WWOX: variants seen among roughly 807,000 people sequenced by gnomAD.
WWOX encodes WW domain-containing oxidoreductase.
A neutral mutation model predicts 46.2 loss-of-function variants in WWOX; 69 were observed. That is an observed-to-expected ratio of 1.49 (90% CI 1.23 to 1.82). The LOEUF is 1.82. Ranked by LOEUF, WWOX falls within the 40% of genes most tolerant of loss-of-function variation. The pLI, the probability that WWOX is intolerant of heterozygous loss-of-function variation, is 0.00. For missense variants in WWOX, 919 were observed against 542.6 expected (o/e 1.69, Z -6.89); for synonymous variants, 359 against 202.6 (o/e 1.77, Z -6.56).
intron 8 of WWOX, among the ~76,000 whole-genome samples, chr16:79,190,147 C>A (rs1048819590): frequency 2.6e-5 from 4 of 152,110 alleles, no homozygotes; most frequent in African/African-American, 9.7e-5. Flanking sequence ...GCCTCAGCCT[C>A]CCGAGTAGCT....
chr16:78,259,349 CAG>C (rs776387438), intron 5 of WWOX, among the ~76,000 whole-genome samples: 1 of 152,140 alleles, frequency 6.6e-6, no homozygotes, highest in East Asian at 1.9e-4. Context: ...ATTTTTGAGA[CAG>C]AGTCTTGCTC....
chr16:78,834,100 G>A (rs1335402963), intron 8 of WWOX, among the ~76,000 whole-genome samples: 2 of 152,226 alleles, frequency 1.3e-5, no homozygotes, highest in Non-Finnish European at 1.5e-5. Flanking sequence ...TCGAACGTCT[G>A]GAACTGAGCA....
chr16:78,955,778 G>C (rs886236320), intron 8 of WWOX, among the ~76,000 whole-genome samples: 1 of 151,604 alleles, frequency 6.6e-6, no homozygotes, highest in African/African-American at 2.4e-5. Context: ...CTCCCGAGTA[G>C]CTGGGACTAC....
At chr16:78,387,435 A>G (rs571130873) in intron 6 of WWOX, among the ~76,000 whole-genome samples, 2 of 151,382 alleles carry the variant, frequency 1.3e-5, no homozygotes, top group East Asian at 1.9e-4. Context: ...ATGGACTCAC[A>G]TTCCTTTTAT....
chr16:78,893,908 T>C (rs181196594), intron 8 of WWOX, among the ~76,000 whole-genome samples: 168 of 152,274 alleles, frequency 1.1e-3, no homozygotes, highest in Middle Eastern at 6.8e-3. Context: ...TGAGTTGATA[T>C]GCAATATTTT....
At chr16:78,886,836 C>T (rs2044468869) in intron 8 of WWOX, among the ~76,000 whole-genome samples, 1 of 152,038 alleles carries the variant, frequency 6.6e-6, no homozygotes, top group African/African-American at 2.4e-5. Flanking sequence ...GTCCTTCCTT[C>T]TTGGAAAGCT....
chr16:78,283,422 G>A (rs2151855940), intron 5 of WWOX, among the ~76,000 whole-genome samples: 1 of 152,216 alleles, frequency 6.6e-6, no homozygotes, highest in South Asian at 2.1e-4. Flanking sequence ...TACTTCGATG[G>A]AGTCATTTTC....
chr16:78,994,622 G>A (rs149207963), intron 8 of WWOX, among the ~76,000 whole-genome samples: 339 of 152,214 alleles, frequency 2.2e-3, no homozygotes, highest in Non-Finnish European at 3.7e-3. Context: ...TCCCAAACCA[G>A]AATAAAAGAA....
chr16:79,098,186 G>T (rs911528590), intron 8 of WWOX, among the ~76,000 whole-genome samples: 8 of 152,052 alleles, frequency 5.3e-5, no homozygotes, highest in African/African-American at 1.9e-4. Context: ...CAGATGCCTG[G>T]GCCTCACCAT....
intron 8 of WWOX, among the ~76,000 whole-genome samples, chr16:78,980,657 C>T (rs180762280): frequency 2.6e-5 from 4 of 152,228 alleles, no homozygotes; most frequent in Middle Eastern, 3.4e-3. Flanking sequence ...TTGCAGGAAC[C>T]CCACATGGCA....
At chr16:78,327,373 A>G (rs1171208538) in intron 5 of WWOX, among the ~76,000 whole-genome samples, 1 of 151,804 alleles carries the variant, frequency 6.6e-6, no homozygotes, top group Non-Finnish European at 1.5e-5. Context: ...TTTGTGCTGT[A>G]CCTCCCCAGT....
chr16:78,667,591 A>C (rs2047360788), intron 8 of WWOX, among the ~76,000 whole-genome samples: 1 of 150,398 alleles, frequency 6.6e-6, no homozygotes, highest in Non-Finnish European at 1.5e-5. Context: ...GAATGGCATG[A>C]ACCTGGGAGG....
intron 4 of WWOX, among the ~76,000 whole-genome samples, chr16:78,118,219 C>T (rs1224140096): frequency 2.0e-5 from 3 of 151,852 alleles, no homozygotes; most frequent in African/African-American, 7.3e-5. Flanking sequence ...ATTTTCCTCT[C>T]TGCAGCTGTA....
At chr16:78,666,231 G>T (rs1012450099) in intron 8 of WWOX, among the ~76,000 whole-genome samples, 1 of 152,144 alleles carries the variant, frequency 6.6e-6, no homozygotes. Context: ...AGGCTGTATA[G>T]TAAACTGTGA....
intron 4 of WWOX, among the ~76,000 whole-genome samples, chr16:78,156,023 A>T (rs1312871363): frequency 2.0e-5 from 3 of 152,230 alleles, no homozygotes; most frequent in Non-Finnish European, 2.9e-5. Context: ...TGTAAAGGGT[A>T]AGAAAATGGA....
At chr16:78,829,059 A>G (rs767494725) in intron 8 of WWOX, among the ~76,000 whole-genome samples, 2 of 152,034 alleles carry the variant, frequency 1.3e-5, no homozygotes, top group Non-Finnish European at 2.9e-5. Context: ...CATAAGCAGA[A>G]CCATCATAAG....
chr16:78,965,904 C>A lies in WWOX; in HGVS notation c.1057-245704C>A, dbSNP rs187252738. On this transcript the variant is annotated intron_variant, in intron 8 of 8. Transcript: ENST00000566780. ...CCAAGCAGTATTGCCGTGGTTTATA[C>A]AATTGGACGAAATGGGTGATCTAAT... 1.7e-3 allele frequency among the ~76,000 whole-genome samples: 262 copies of A among 152,280 alleles called. 1 individual carries two copies. The highest frequency in any genetic ancestry group is 3.0e-3 in the Non-Finnish European group (202 of 68,030).
intron 8 of WWOX, 134 bp from the exon 9 acceptor site, chr16:79,211,474 C>T (rs545729783): frequency 2.7e-6 from 3 of 1,115,950 alleles, no homozygotes; most frequent in South Asian, 1.3e-5. Flanking sequence ...AGCCCAGTAC[C>T]CTTTGCTATG....
At chr16:78,479,763 C>G (rs4888804) in intron 8 of WWOX, among the ~76,000 whole-genome samples, 108,713 of 151,986 alleles carry the variant, frequency 0.72, 39,852 homozygotes, top group East Asian at 0.84. Flanking sequence ...AGACAGTGGT[C>G]AAAGGCAGGA....
Sources: allele counts gnomAD v4.1 joint callset (sites outside exome capture counted in the v4.1 genomes callset), GRCh38; gene constraint gnomAD v4.1.1; transcripts MANE v1.5; gene names NCBI Gene and HGNC (gene_info 2026-07-23, HGNC 2026-07-21).